The following SLC6A12 variants were observed in gnomAD, a reference collection of about 807,000 sequenced individuals.
The protein encoded by SLC6A12 is solute carrier family 6 member 12, also known as sodium- and chloride-dependent betaine transporter.
In SLC6A12, 50 loss-of-function variants were observed where a neutral mutation model predicts 73.3. That is an observed-to-expected ratio of 0.68 (90% CI 0.54 to 0.86). SLC6A12 has a LOEUF of 0.86. SLC6A12 is among the 40% of genes least tolerant of loss of function. The pLI, the probability that SLC6A12 is intolerant of heterozygous loss-of-function variation, is 0.00. For missense variants in SLC6A12, 648 were observed against 772.8 expected (o/e 0.84, Z 1.92); for synonymous variants, 304 against 309.2 (o/e 0.98, Z 0.18).
intron 4 of SLC6A12, chr12:203,373 A>C (rs1393970534): frequency 6.6e-6 from 1 of 151,488 alleles, no homozygotes; most frequent in Non-Finnish European, 1.5e-5. Flanking sequence ...CTTTCAGAAC[A>C]GCCTGGCTGA....
chr12:187,462 C>T (rs1156290212), downstream of SLC6A12, among the ~76,000 whole-genome samples: 10 of 151,782 alleles, frequency 6.6e-5, no homozygotes, highest in Non-Finnish European at 8.8e-5. Flanking sequence ...TTTTTTTTTC[C>T]TCCCGATGGT....
the SLC6A12 span, among the ~76,000 whole-genome samples, chr12:184,082 G>C: frequency 2.0e-4 from 31 of 152,034 alleles, no homozygotes; most frequent in South Asian, 1.3e-3. Context: ...ACTGAACCTA[G>C]TACTGAATAA....
At chr12:191,825 G>A (rs1390640570) in intron 15 of SLC6A12, among the ~76,000 whole-genome samples, 1 of 152,150 alleles carries the variant, frequency 6.6e-6, no homozygotes, top group African/African-American at 2.4e-5. Context: ...GGAAAAGTCT[G>A]GTCCCTAAGG....
chr12:186,248 G>A (rs187851664), downstream of SLC6A12, among the ~76,000 whole-genome samples: 42 of 152,280 alleles, frequency 2.8e-4, no homozygotes, highest in South Asian at 4.2e-4. Flanking sequence ...CACAGTGCAC[G>A]CTAAAGCTCA....
rs1195939149 is a variant in SLC6A12, at chr12:191,042, G to A, written c.*26C>T. The A allele has an allele frequency of 2.3e-6, 3 of 1,298,224 alleles. No individual in the cohort carries two copies. Among genetic ancestry groups the A allele is most frequent in the Admixed American group, 3.2e-5 (1 of 31,172 alleles). 80.4% of individuals were successfully genotyped at this position (1,298,224 alleles called of 1,614,324 possible). On this transcript the variant is annotated 3_prime_UTR_variant, in exon 16 of 16. Transcript: ENST00000684302. ...GGCCCTGACCTAGGTTCCCGGCTTAGGAGCCGCCTGGCCTCTGGCCACACC... is the reference window on the plus strand; with the variant it reads ...GGCCCTGACCTAGGTTCCCGGCTTAAGAGCCGCCTGGCCTCTGGCCACACC...
downstream of SLC6A12, among the ~76,000 whole-genome samples, chr12:187,377 G>A (rs116941572): frequency 5.2e-3 from 790 of 151,948 alleles, 18 homozygotes; most frequent in East Asian, 0.038. Flanking sequence ...GTAGGTTCGT[G>A]GTCTCACCAG....
chr12:203,021 A>T (rs1054135616), intron 4 of SLC6A12, 141 bp from the exon 5 acceptor site: 1 of 524,928 alleles, frequency 1.9e-6, no homozygotes, highest in South Asian at 4.7e-5. Context: ...GTGGCATGAG[A>T]AGCCATTCAT....
At chr12:188,380 G>C (rs1939478484), downstream of SLC6A12, among the ~76,000 whole-genome samples, 1 of 152,172 alleles carries the variant, frequency 6.6e-6, no homozygotes, top group East Asian at 1.9e-4. Flanking sequence ...TGTGGGGCCC[G>C]CCGAGCCCAC....
Position 198,798 on chromosome 12 carries a change from T to G in SLC6A12, c.845A>C (p.Gln282Pro). Residue 282 changes from glutamine (Q) to proline (P), a missense_variant and splice_region_variant, in exon 8 of 16, where the codon CAG becomes CCG. Coordinates refer to ENST00000684302, the MANE Select transcript of SLC6A12 (RefSeq NM_001122848.3). The surrounding 1 kb of genome is among the most constrained non-coding windows in gnomAD (Gnocchi z 4.0). ...AAGTGGTCCCAGCACGGTACATACC[T>G]GAGGGTCCTTGAGGCGGAACAAATC... ...KPDLFRLKDP[Q>P]VWMDAGTQIF... 1 of 1,614,188 alleles carries G rather than the reference T, an allele frequency of 6.2e-7. No individual in the cohort carries two copies. The highest frequency in any genetic ancestry group is 8.5e-7 in the Non-Finnish European group (1 of 1,180,010).
chr12:203,628 G>C (rs1212570094), intron 4 of SLC6A12: 1 of 152,188 alleles, frequency 6.6e-6, no homozygotes, highest in African/African-American at 2.4e-5. Flanking sequence ...AGCGGCCCCT[G>C]TGCCGCGGCG....
chr12:192,697 C>T, intron 14 of SLC6A12, 49 bp from the exon 15 acceptor site: 1 of 1,569,388 alleles, frequency 6.4e-7, no homozygotes, highest in Non-Finnish European at 8.8e-7. Context: ...GCGACTGAAA[C>T]CCTCTCCGCA....
At chr12:185,245 C>G (rs1320256928), downstream of SLC6A12, among the ~76,000 whole-genome samples, 1 of 152,254 alleles carries the variant, frequency 6.6e-6, no homozygotes, top group Non-Finnish European at 1.5e-5. Flanking sequence ...CGGCCCCACC[C>G]GCTGTCATGG....
downstream of SLC6A12, among the ~76,000 whole-genome samples, chr12:185,971 C>T (rs151217561): frequency 2.0e-3 from 309 of 152,306 alleles, 3 homozygotes; most frequent in African/African-American, 7.3e-3. Flanking sequence ...AGCAGCAGAA[C>T]CTGCAAGGAA....
intron 3 of SLC6A12, among the ~76,000 whole-genome samples, chr12:205,917 A>T (rs767541308): frequency 2.2e-4 from 33 of 152,216 alleles, no homozygotes; most frequent in African/African-American, 2.9e-4. Flanking sequence ...GTATGTTATC[A>T]TTGGACTTTT....
At chr12:185,504 G>A (rs1939416184), downstream of SLC6A12, among the ~76,000 whole-genome samples, 1 of 152,220 alleles carries the variant, frequency 6.6e-6, no homozygotes, top group African/African-American at 2.4e-5. Context: ...GTGTGTTAGT[G>A]AGATGTGCTT....
Position 191,243 on chromosome 12 carries a change from G to C in SLC6A12, c.1702-32C>G. On this transcript the variant is annotated intron_variant, in intron 15 of 15. Transcript: ENST00000684302. ...AGAGAAGAGGCAGGGATTTGGAGCT[G>C]ATGGTGAGGGAGGCGCAGAAGGTTC... 16 of 1,257,490 alleles carry C rather than the reference G, an allele frequency of 1.3e-5. 1 individual carries two copies. The highest frequency in any genetic ancestry group is 1.5e-5 in the Non-Finnish European group (15 of 992,520). The allele number at this position is 1,257,490 out of a possible 1,614,324, so 77.9% of individuals were successfully genotyped here. A position where few individuals can be genotyped will look rare whatever the true frequency, so the allele number is the denominator to read the frequency against.
intron 6 of SLC6A12, 26 bp from the exon 7 acceptor site, chr12:200,809 T>C (rs1404740282): frequency 3.7e-6 from 6 of 1,609,770 alleles, no homozygotes; most frequent in Non-Finnish European, 5.1e-6. Context: ...AAATAAGTAA[T>C]GAGGGGAAAG....
chr12:197,138 C>CATCTATCCATCT (rs1555106129), intron 10 of SLC6A12, among the ~76,000 whole-genome samples: 170 of 74,644 alleles, frequency 2.3e-3, no homozygotes, highest in Admixed American at 3.1e-3. Flanking sequence ...TCCATCCATC[C>CATCTATCCATCT]ATCCATCCAT....
chr12:191,170 C>G lies in SLC6A12; in HGVS notation c.1743G>C (p.Gln581His). ...QLITPDSSLP[Q>H]PKQHPCLDGS... Reference sequence around the variant, plus strand: ...CATCCAAGCAGGGATGTTGCTTGGGCTGTGGCAGACTGGAGTCAGGGGTGA... The same window carrying G: ...CATCCAAGCAGGGATGTTGCTTGGGGTGTGGCAGACTGGAGTCAGGGGTGA... The change falls in exon 16 of 16, where the codon CAG becomes CAC. Residue 581 changes from glutamine to histidine, a missense_variant. Transcript: ENST00000684302. The G allele has an allele frequency of 7.7e-7, 1 of 1,294,684 alleles. No homozygotes were observed. Among genetic ancestry groups the G allele is most frequent in the Non-Finnish European group, 9.9e-7 (1 of 1,009,518 alleles). The allele number at this position is 1,294,684 out of a possible 1,614,324, so 80.2% of individuals were successfully genotyped here.
Sources: allele counts gnomAD v4.1 joint callset (sites outside exome capture counted in the v4.1 genomes callset), GRCh38; gene constraint gnomAD v4.1.1; non-coding constraint Gnocchi (gnomAD v3.1); transcripts MANE v1.5; gene names NCBI Gene and HGNC (gene_info 2026-07-23, HGNC 2026-07-21).